Variants in GMDS observed in about 807,000 individuals in gnomAD.
GMDS encodes the protein GDP-mannose 4,6 dehydratase.
A neutral mutation model predicts 49.9 loss-of-function variants in GMDS; 20 were observed. That is an observed-to-expected ratio of 0.40 (90% CI 0.28 to 0.58). The LOEUF (loss-of-function observed/expected upper bound fraction) is 0.58. Ranked by LOEUF, GMDS falls within the 20% of genes least tolerant of loss-of-function variation. The probability of loss-of-function intolerance (pLI) is 0.42; values close to 1 mark genes in which losing one functional copy is unlikely to be tolerated. For synonymous variants in GMDS, 177 were observed against 178.6 expected (o/e 0.99, Z 0.07); for missense variants, 362 against 481.4 (o/e 0.75, Z 2.32).
chr6:1,977,093 GA>G (rs1554140753), intron 4 of GMDS, among the ~76,000 whole-genome samples: 1 of 151,950 alleles, frequency 6.6e-6, no homozygotes. Context: ...AAGTAAAGGG[GA>G]AAAAAATCAC....
At chr6:1,799,648 C>G (rs571112111) in intron 7 of GMDS, among the ~76,000 whole-genome samples, 71 of 152,186 alleles carry the variant, frequency 4.7e-4, no homozygotes, top group African/African-American at 1.6e-3. Flanking sequence ...GAGAAATTGG[C>G]TGAGGGGCTG....
intron 2 of GMDS, among the ~76,000 whole-genome samples, chr6:2,123,762 T>G (rs1775268948): frequency 1.3e-5 from 2 of 152,262 alleles, no homozygotes; most frequent in Non-Finnish European, 2.9e-5. Context: ...AATGTAGCAT[T>G]AGCTCTTGGA....
chr6:2,109,302 G>A (rs1031128981), intron 4 of GMDS, among the ~76,000 whole-genome samples: 1 of 152,170 alleles, frequency 6.6e-6, no homozygotes, highest in African/African-American at 2.4e-5. Flanking sequence ...CCAATCCCAG[G>A]AGAGATATTA....
intron 1 of GMDS, among the ~76,000 whole-genome samples, chr6:2,164,779 G>A (rs552927387): frequency 2.6e-5 from 4 of 152,290 alleles, no homozygotes; most frequent in South Asian, 4.1e-4. Flanking sequence ...ACAACTTAAG[G>A]TTCTCCTTCA....
At chr6:1,747,360 T>A (rs940320510) in intron 7 of GMDS, among the ~76,000 whole-genome samples, 23 of 152,178 alleles carry the variant, frequency 1.5e-4, no homozygotes, top group African/African-American at 5.3e-4. Context: ...TAACAAGATT[T>A]GTTAATGAAG....
At chr6:1,889,910 T>G (rs1157731415) in intron 7 of GMDS, among the ~76,000 whole-genome samples, 1 of 152,242 alleles carries the variant, frequency 6.6e-6, no homozygotes, top group Non-Finnish European at 1.5e-5. Flanking sequence ...CATAATGTTT[T>G]CCAGGTTCAT....
chr6:2,134,148 A>G (rs1473365695), intron 1 of GMDS, among the ~76,000 whole-genome samples: 1 of 152,326 alleles, frequency 6.6e-6, no homozygotes, highest in East Asian at 1.9e-4. Context: ...CTGCACAATC[A>G]TGGTGTGATT....
chr6:2,195,001 G>A (rs1409895868), intron 1 of GMDS, among the ~76,000 whole-genome samples: 1 of 152,058 alleles, frequency 6.6e-6, no homozygotes, highest in African/African-American at 2.4e-5. Flanking sequence ...TTGCTAAAAA[G>A]AAAAAGAAAA....
At chr6:2,092,925 TAGG>T (rs1362226757) in intron 4 of GMDS, among the ~76,000 whole-genome samples, 4 of 152,166 alleles carry the variant, frequency 2.6e-5, no homozygotes, top group Non-Finnish European at 5.9e-5. Flanking sequence ...AGAAAGATAA[TAGG>T]AGGTTGTCAA....
intron 4 of GMDS, among the ~76,000 whole-genome samples, chr6:1,971,015 G>A (rs1473720767): frequency 2.0e-5 from 3 of 152,074 alleles, no homozygotes; most frequent in East Asian, 3.9e-4. Context: ...CTGGGGGAGT[G>A]GGGGTTTGGA....
At chr6:1,628,348 A>G (rs2113144210) in intron 9 of GMDS, among the ~76,000 whole-genome samples, 1 of 152,330 alleles carries the variant, frequency 6.6e-6, no homozygotes, top group African/African-American at 2.4e-5. Flanking sequence ...CAGCTTTAAA[A>G]TCACACTGGT....
intron 7 of GMDS, among the ~76,000 whole-genome samples, chr6:1,792,769 T>C (rs1769593508): frequency 6.6e-6 from 1 of 152,198 alleles, no homozygotes; most frequent in African/African-American, 2.4e-5. Flanking sequence ...CCAATATTGA[T>C]AGAATGCCAA....
chr6:1,666,052 T>C (rs1764225686), intron 9 of GMDS, among the ~76,000 whole-genome samples: 1 of 151,962 alleles, frequency 6.6e-6, no homozygotes. Flanking sequence ...AGCAGAGGAG[T>C]GACAACGACA....
At chr6:1,806,598 G>A (rs564326017) in intron 7 of GMDS, among the ~76,000 whole-genome samples, 94 of 152,192 alleles carry the variant, frequency 6.2e-4, no homozygotes, top group African/African-American at 1.9e-3. Flanking sequence ...CACCAAAACC[G>A]TCTGTTATTA....
intron 4 of GMDS, among the ~76,000 whole-genome samples, chr6:2,041,320 G>GA (rs1769663977): frequency 6.6e-6 from 1 of 152,168 alleles, no homozygotes; most frequent in Non-Finnish European, 1.5e-5. Context: ...GGTAATAAAT[G>GA]AAAAAACTGA....
intron 9 of GMDS, among the ~76,000 whole-genome samples, chr6:1,645,845 C>G (rs1561695916): frequency 6.6e-6 from 1 of 152,222 alleles, no homozygotes; most frequent in Non-Finnish European, 1.5e-5. Flanking sequence ...CTCTCTAGCA[C>G]AGTGTCCCTC....
In GMDS at chr6:1,742,555, G is replaced by A. The variant is rs749276776; in HGVS notation, c.803C>T (p.Pro268Leu). The A allele has an allele frequency of 1.6e-5, 25 of 1,610,210 alleles. No individual in the cohort carries two copies. Among genetic ancestry groups the A allele is most frequent in the African/African-American group, 4.0e-5 (3 of 74,850 alleles). ...AMWLMLQNDEPEDFVIATGEV... is the reference protein window; with the variant it reads ...AMWLMLQNDELEDFVIATGEV... ...CCCAGTAGCTATAACGAAGTCCTCC[G>A]GCTCATCATTCTGCAACATCAACCA... The change falls in exon 8 of 11, where the codon CCG (proline) becomes CTG (leucine). Residue 268 changes from proline to leucine, a missense_variant. By Grantham distance (98) the Pro-to-Leu change is moderately conservative. Coordinates refer to ENST00000380815, the MANE Select transcript of GMDS (RefSeq NM_001500.4).
intron 7 of GMDS, among the ~76,000 whole-genome samples, chr6:1,911,479 G>T (rs988848059): frequency 4.0e-5 from 6 of 151,456 alleles, no homozygotes; most frequent in African/African-American, 1.5e-4. Flanking sequence ...TCAGTAATCT[G>T]TCAAACAGGA....
chr6:2,042,298 G>A (rs1278160457), intron 4 of GMDS, among the ~76,000 whole-genome samples: 1 of 152,086 alleles, frequency 6.6e-6, no homozygotes, highest in Non-Finnish European at 1.5e-5. Flanking sequence ...ATCCACAACG[G>A]CTAAGGAAAT....
Sources: gnomAD v4.1 joint callset for allele counts (sites outside exome capture counted in the v4.1 genomes callset) on GRCh38, gnomAD v4.1.1 for gene constraint, MANE v1.5 for transcripts, NCBI Gene and HGNC (gene_info 2026-07-23, HGNC 2026-07-21) for gene names.